The following HSF1 variants were observed in gnomAD, a reference collection of about 807,000 sequenced individuals.
The protein encoded by HSF1 is heat shock factor protein 1.
In HSF1, 32 loss-of-function variants were observed where a neutral mutation model predicts 51.7. The ratio of observed to expected loss-of-function variants is 0.62; its 90% CI spans 0.47 to 0.83. The LOEUF (loss-of-function observed/expected upper bound fraction) is 0.83, where lower values mean the gene tolerates loss of function less well. Among genes scored for constraint, HSF1 ranks in the 40% least tolerant of loss-of-function variants. The pLI, the probability that HSF1 is intolerant of heterozygous loss-of-function variation, is 0.00. For missense variants in HSF1, 727 were observed against 717.0 expected (o/e 1.01, Z -0.16); for synonymous variants, 396 against 309.7 (o/e 1.28, Z -2.92).
chr8:144,303,389 A>G (rs1816022378), intron 1 of HSF1, among the ~76,000 whole-genome samples: 1 of 151,952 alleles, frequency 6.6e-6, no homozygotes, highest in African/African-American at 2.4e-5. Context: ...TGAACTTTCA[A>G]ATAAAATGAG....
At chr8:144,312,821 C>G (rs181090895) in intron 9 of HSF1, 1 of 978,792 alleles carries the variant, frequency 1.0e-6, no homozygotes, top group Non-Finnish European at 1.5e-6. Context: ...CGGGCCTGGG[C>G]GGCAGCAGCC....
rs781899798 is a variant in HSF1, at chr8:144,309,478, A to G, written c.250A>G (p.Ile84Val). The change falls in exon 3 of 13, where the codon ATC becomes GTC. Residue 84 changes from isoleucine to valine, a missense_variant. Ile to Val is a conservative substitution (Grantham distance 29, BLOSUM62 3). Coordinates refer to ENST00000528838, the MANE Select transcript of HSF1 (RefSeq NM_005526.4). The stretch of plus-strand genomic sequence containing the variant: ...AGATGGCTTCCGGAAAGTGGTCCAC[A>G]TCGAGCAGGGCGGCCTGGTCAAGCC... The part of the protein sequence containing the change: ...NMYGFRKVVH[I>V]EQGGLVKPER... The G allele has an allele frequency of 3.1e-6, 5 of 1,613,848 alleles. No homozygotes were observed. Among genetic ancestry groups the G allele is most frequent in the East Asian group, 2.2e-5 (1 of 44,872 alleles).
chr8:144,293,032 A>T (rs1159159147), intron 1 of HSF1, among the ~76,000 whole-genome samples: 5 of 152,222 alleles, frequency 3.3e-5, no homozygotes, highest in Non-Finnish European at 5.9e-5. Context: ...GGTGCCACCA[A>T]GCATGTGTGG....
intron 1 of HSF1, among the ~76,000 whole-genome samples, chr8:144,305,043 G>C (rs1171459491): frequency 2.0e-5 from 3 of 151,588 alleles, no homozygotes; most frequent in African/African-American, 4.9e-5. Context: ...TGCCTCCTGG[G>C]TTCAAGCGAT....
chr8:144,302,582 C>T (rs1396433116), intron 1 of HSF1, among the ~76,000 whole-genome samples: 1 of 151,806 alleles, frequency 6.6e-6, no homozygotes, highest in East Asian at 1.9e-4. Flanking sequence ...AATCCCAACA[C>T]TTTGGGAGGC....
chr8:144,291,771 T>C lies in HSF1; in HGVS notation c.14T>C (p.Val5Ala). The C allele has an allele frequency of 1.3e-6, 2 of 1,526,086 alleles. No individual in the cohort carries two copies. Among genetic ancestry groups the C allele is most frequent in the Non-Finnish European group, 1.8e-6 (2 of 1,140,296 alleles). The allele number at this position is 1,526,086 out of a possible 1,614,324, so 94.5% of individuals were successfully genotyped here. Residue 5 changes from valine to alanine, a missense_variant, in exon 1 of 13, where the codon GTG becomes GCG. By Grantham distance (64) the Val-to-Ala change is moderately conservative. This residue lies in a region of HSF1 where 257 missense variants were observed against 318.3 expected (regional missense o/e 0.81). Transcript: ENST00000528838. This position sits in a 1 kb window ranked among gnomAD's most constrained non-coding sequence, Gnocchi z 4.1. ...TCCTTGCTCGAGATGGATCTGCCCGTGGGCCCCGGCGCGGCGGGGCCCAGC... is the reference window on the plus strand; with the variant it reads ...TCCTTGCTCGAGATGGATCTGCCCGCGGGCCCCGGCGCGGCGGGGCCCAGC... MDLP[V>A]GPGAAGPSNV...
intron 1 of HSF1, among the ~76,000 whole-genome samples, chr8:144,302,475 C>G (rs1185527196): frequency 6.6e-6 from 1 of 151,444 alleles, no homozygotes; most frequent in Non-Finnish European, 1.5e-5. Context: ...CCATTGCACT[C>G]TAGCCTGGGC....
At chr8:144,305,243 G>A (rs1816135272) in intron 1 of HSF1, among the ~76,000 whole-genome samples, 2 of 151,768 alleles carry the variant, frequency 1.3e-5, no homozygotes, top group African/African-American at 2.4e-5. Context: ...CACCATGCCC[G>A]GCTGTGTTAC....
Position 144,313,514 on chromosome 8 carries a change from T to C in HSF1, c.1146T>C (p.Asn382=). 1 of 1,604,972 alleles carries C rather than the reference T, an allele frequency of 6.2e-7. No individual in the cohort carries two copies. The change falls in exon 10 of 13, where the codon AAT becomes AAC. Residue 382 remains asparagine (N), a synonymous_variant. Coordinates refer to ENST00000528838, the MANE Select transcript of HSF1 (RefSeq NM_005526.4). Reference sequence around the variant, plus strand: ...GTACCGCCTTATCCCGGGCCAGGAATGAGCTCAGTGACCACTTGGATGCTA... The same window carrying C: ...GTACCGCCTTATCCCGGGCCAGGAACGAGCTCAGTGACCACTTGGATGCTA... ...KCLSVACLDK[N]ELSDHLDAMD... is the part of the protein sequence containing the mutation.
rs891392270 is a variant in HSF1 at position 144,297,614 on chromosome 8, T to G, written c.117+5740T>G. ...TGCCTGCCTCACTGCTTCCATGCCC[T>G]GACTCCGGTGGTCCCTGCTCCCCAC... On this transcript the variant is annotated intron_variant, in intron 1 of 12. Transcript: ENST00000528838. This position sits in a 1 kb window ranked among gnomAD's most constrained non-coding sequence, Gnocchi z 4.6. Among the ~76,000 whole-genome samples the G allele has an allele frequency of 1.1e-4, 17 of 152,286 alleles. No homozygotes were observed. The highest frequency in any genetic ancestry group is 6.8e-3 in the Middle Eastern group (2 of 294).
chr8:144,302,058 C>T (rs1186814096), intron 1 of HSF1, among the ~76,000 whole-genome samples: 2 of 150,572 alleles, frequency 1.3e-5, no homozygotes, highest in East Asian at 3.9e-4. Flanking sequence ...CCCCGCTACT[C>T]GGGAGGCTGA....
intron 1 of HSF1, among the ~76,000 whole-genome samples, chr8:144,296,508 C>T (rs782692347): frequency 6.6e-5 from 10 of 152,200 alleles, no homozygotes; most frequent in Non-Finnish European, 1.3e-4. Context: ...TAAGAAGGCA[C>T]ACAGCTGGGG....
intron 1 of HSF1, 151 bp from the exon 2 acceptor site, chr8:144,308,754 TC>T (rs1179836318): frequency 1.5e-6 from 1 of 655,102 alleles, no homozygotes; most frequent in African/African-American, 1.8e-5. Flanking sequence ...CGAACTCGCC[TC>T]CCGCCAGCCC....
chr8:144,298,482 G>A (rs868913675), intron 1 of HSF1, among the ~76,000 whole-genome samples: 62 of 151,568 alleles, frequency 4.1e-4, no homozygotes, highest in African/African-American at 1.5e-3. Flanking sequence ...GTGCGTGCCT[G>A]TAATCCCAGC....
chr8:144,311,428 T>C lies in HSF1; in HGVS notation c.626+46T>C, dbSNP rs782710720. 6 of 1,612,142 alleles carry C rather than the reference T, an allele frequency of 3.7e-6. No homozygotes were observed. In the Admixed American group the frequency reaches 5.0e-5, roughly 13 times the overall value. Reference sequence around the variant, plus strand: ...GCATCCACCACCCGGGGCCCAGGGCTGTCCCCCTTCTCTGTCAGCTGTGCC... The same window carrying C: ...GCATCCACCACCCGGGGCCCAGGGCCGTCCCCCTTCTCTGTCAGCTGTGCC... On this transcript the variant is annotated intron_variant, in intron 6 of 12. Coordinates refer to ENST00000528838, the MANE Select transcript of HSF1 (RefSeq NM_005526.4).
chr8:144,310,763 AG>A (rs1816581692), intron 4 of HSF1: 1 of 232,804 alleles, frequency 4.3e-6, no homozygotes, highest in South Asian at 6.2e-5. Flanking sequence ...GAGCACCTAC[AG>A]GACATGGGAC....
In HSF1 at chr8:144,314,296, A is replaced by G; in HGVS notation, c.1556A>G (p.Glu519Gly). The change falls in exon 13 of 13, where the codon GAG becomes GGG. Residue 519 changes from glutamate (E) to glycine (G), a missense_variant. Glu to Gly is a moderately conservative substitution (Grantham distance 98, BLOSUM62 -2). Coordinates refer to ENST00000528838, the MANE Select transcript of HSF1 (RefSeq NM_005526.4). ...DPTISLLTGSEPPKAKDPTVS is the reference protein window; with the variant it reads ...DPTISLLTGSGPPKAKDPTVS ...ACCATCTCCCTGCTGACAGGCTCGG[A>G]GCCTCCCAAAGCCAAGGACCCCACT... 1 of 1,550,466 alleles carries G rather than the reference A, an allele frequency of 6.4e-7. No homozygotes were observed. The highest frequency in any genetic ancestry group is 1.4e-5 in the African/African-American group (1 of 73,136).
rs782012287 is a variant in HSF1, at chr8:144,312,058, C to T, written c.956C>T (p.Ser319Phe). 12 of 1,612,212 alleles carry T rather than the reference C, an allele frequency of 7.4e-6. No individual in the cohort carries two copies. Among genetic ancestry groups the T allele is most frequent in the South Asian group, 2.2e-5 (2 of 91,080 alleles). ...RVEEASPGRP[S>F]SVDTLLSPTA... ...GAGGAGGCGAGTCCCGGGCGCCCAT[C>T]TTCCGTGGACACCCTCTTGTCCCCG... The change falls in exon 9 of 13, where the codon TCT (serine) becomes TTT (phenylalanine). Residue 319 changes from serine to phenylalanine, a missense_variant. Ser to Phe is a radical substitution (Grantham distance 155, BLOSUM62 -2). Coordinates refer to ENST00000528838, the MANE Select transcript of HSF1 (RefSeq NM_005526.4).
chr8:144,297,464 TCCTCCA>T lies in HSF1; in HGVS notation c.117+5591_117+5596del. Among the ~76,000 whole-genome samples, 1 of 152,138 alleles carries T rather than the reference TCCTCCA, an allele frequency of 6.6e-6. No homozygotes were observed. The highest frequency in any genetic ancestry group is 2.4e-5 in the African/African-American group (1 of 41,412). ...TGTGTGGCGAGAACACGCTGGAAGC[TCCTCCA>T]GAGCGGAAACAAGAAGAGTGTTTAT... is the stretch of plus-strand genomic sequence containing the variant. On this transcript the variant is annotated intron_variant, in intron 1 of 12. Transcript: ENST00000528838. The surrounding 1 kb of genome is among the most constrained non-coding windows in gnomAD (Gnocchi z 4.6).
Sources: allele counts gnomAD v4.1 joint callset (sites outside exome capture counted in the v4.1 genomes callset), GRCh38; gene constraint gnomAD v4.1.1; regional missense constraint gnomAD v4.1.1; non-coding constraint Gnocchi (gnomAD v3.1); transcripts MANE v1.5; gene names NCBI Gene and HGNC (gene_info 2026-07-23, HGNC 2026-07-21).